The following ESR1 variants were observed in gnomAD, a reference collection of about 807,000 sequenced individuals.
The protein encoded by ESR1 is estrogen receptor 1, also known as estrogen receptor.
Under a neutral mutation model 52.7 loss-of-function variants are expected in ESR1, and 12 were observed. The observed-to-expected ratio is 0.23, with a 90% CI of 0.15 to 0.37. The LOEUF (loss-of-function observed/expected upper bound fraction) is 0.37. ESR1 is among the 10% of genes least tolerant of loss of function. The pLI, the probability that ESR1 is intolerant of heterozygous loss-of-function variation, is 1.00. For missense variants in ESR1, 584 were observed against 779.7 expected (o/e 0.75, Z 2.99); for synonymous variants, 305 against 316.8 (o/e 0.96, Z 0.39).
At chr6:151,790,164 C>A (rs1787392383) in intron 2 of ESR1, among the ~76,000 whole-genome samples, 1 of 152,226 alleles carries the variant, frequency 6.6e-6, no homozygotes, top group Admixed American at 6.5e-5. Flanking sequence ...AGTCATCTGT[C>A]CCTGTGGGTA....
intron 6 of ESR1, among the ~76,000 whole-genome samples, chr6:152,109,495 G>T (rs540763371): frequency 6.6e-6 from 1 of 150,486 alleles, no homozygotes; most frequent in African/African-American, 2.4e-5. Context: ...GAGAAACTCC[G>T]TCTCTACCAA....
At chr6:151,988,311 A>G (rs940490114) in intron 4 of ESR1, among the ~76,000 whole-genome samples, 11 of 152,116 alleles carry the variant, frequency 7.2e-5, no homozygotes, top group African/African-American at 2.7e-4. Context: ...TGCACAACCT[A>G]GATCCCTTGT....
At chr6:151,894,753 T>C (rs1795210426) in intron 3 of ESR1, among the ~76,000 whole-genome samples, 1 of 152,236 alleles carries the variant, frequency 6.6e-6, no homozygotes, top group Non-Finnish European at 1.5e-5. Flanking sequence ...TACATGCCTA[T>C]TTTTATACCA....
At chr6:151,978,878 G>A (rs182507132) in intron 4 of ESR1, among the ~76,000 whole-genome samples, 199 of 152,280 alleles carry the variant, frequency 1.3e-3, no homozygotes, top group African/African-American at 4.4e-3. Flanking sequence ...TTCTAGAAAG[G>A]ATGTCTGATA....
intron 2 of ESR1, among the ~76,000 whole-genome samples, chr6:151,714,546 A>C (rs1275706815): frequency 6.6e-6 from 1 of 152,136 alleles, no homozygotes; most frequent in Non-Finnish European, 1.5e-5. Flanking sequence ...TATATTTAGG[A>C]TAGTTAGCTC....
chr6:151,739,223 T>C (rs534174762), intron 2 of ESR1, among the ~76,000 whole-genome samples: 11 of 152,252 alleles, frequency 7.2e-5, no homozygotes, highest in Non-Finnish European at 1.6e-4. Flanking sequence ...TGTCATGGAG[T>C]ACCTATGTCA....
chr6:151,870,787 G>A (rs1293563894), intron 2 of ESR1, among the ~76,000 whole-genome samples: 1 of 152,086 alleles, frequency 6.6e-6, no homozygotes, highest in Middle Eastern at 3.2e-3. Flanking sequence ...ATCTGAACAG[G>A]CCAACTTTAT....
intron 6 of ESR1, among the ~76,000 whole-genome samples, chr6:152,083,388 G>T (rs2049407798): frequency 6.6e-6 from 1 of 152,176 alleles, no homozygotes; most frequent in Non-Finnish European, 1.5e-5. Context: ...TTAATAAATG[G>T]TGCTAGGAAA....
At chr6:152,034,290 A>AAAATAAATAAATAAATAAAT (rs10588683) in intron 5 of ESR1, among the ~76,000 whole-genome samples, 3,831 of 150,242 alleles carry the variant, frequency 0.025, 83 homozygotes, top group East Asian at 0.089. Flanking sequence ...AAGTACAATA[A>AAAATAAATAAATAAATAAAT]AAATAAATAA....
At chr6:151,847,591 GT>G (rs1785360460) in intron 2 of ESR1, among the ~76,000 whole-genome samples, 1 of 138,342 alleles carries the variant, frequency 7.2e-6, no homozygotes, top group African/African-American at 2.8e-5. Context: ...GGGGTTGTTT[GT>G]TTTTTTCTTG....
At chr6:152,093,906 G>A (rs2050403393) in intron 6 of ESR1, among the ~76,000 whole-genome samples, 1 of 152,134 alleles carries the variant, frequency 6.6e-6, no homozygotes, top group Admixed American at 6.5e-5. Context: ...ATTACCACAT[G>A]TGGAGTCAGC....
intron 1 of ESR1, among the ~76,000 whole-genome samples, chr6:151,822,167 C>T (rs921122369): frequency 1.8e-4 from 27 of 152,020 alleles, no homozygotes; most frequent in African/African-American, 6.5e-4. Context: ...ATGAAAAAAT[C>T]TTACAATTCA....
At chr6:152,075,442 CAT>C (rs1381058210) in intron 6 of ESR1, among the ~76,000 whole-genome samples, 2 of 152,114 alleles carry the variant, frequency 1.3e-5, no homozygotes, top group East Asian at 1.9e-4. Flanking sequence ...TATAAACACT[CAT>C]GTGACATTTT....
intron 2 of ESR1, among the ~76,000 whole-genome samples, chr6:151,754,658 T>G (rs893921644): frequency 1.3e-5 from 2 of 152,208 alleles, no homozygotes; most frequent in East Asian, 3.8e-4. Context: ...CAACATACTT[T>G]GCCCTCCTGG....
intron 3 of ESR1, among the ~76,000 whole-genome samples, chr6:151,935,136 T>C (rs2034199385): frequency 6.6e-6 from 1 of 152,204 alleles, no homozygotes; most frequent in South Asian, 2.1e-4. Context: ...GAAAATTACA[T>C]GATGTAACTT....
intron 4 of ESR1, among the ~76,000 whole-genome samples, chr6:151,953,632 A>G (rs1477145501): frequency 6.6e-6 from 1 of 151,946 alleles, no homozygotes; most frequent in Admixed American, 6.6e-5. Context: ...GAGCGGGGAG[A>G]ATCGCTTGAA....
chr6:152,029,937 G>C (rs1167651935), intron 5 of ESR1, among the ~76,000 whole-genome samples: 2 of 152,224 alleles, frequency 1.3e-5, no homozygotes, highest in African/African-American at 2.4e-5. Context: ...ACTAACAGCG[G>C]ATCTCTTGGC....
At chr6:151,958,161 A>C (rs1438357815) in intron 4 of ESR1, among the ~76,000 whole-genome samples, 2 of 152,276 alleles carry the variant, frequency 1.3e-5, no homozygotes, top group Admixed American at 6.5e-5. Flanking sequence ...GGCAAATAGC[A>C]GTCCATGCTA....
intron 4 of ESR1, among the ~76,000 whole-genome samples, chr6:151,996,773 T>C (rs2041523978): frequency 6.6e-6 from 1 of 152,166 alleles, no homozygotes; most frequent in Non-Finnish European, 1.5e-5. Context: ...AAATTGAATG[T>C]AATAGGTCTT....
Sources: gnomAD v4.1 joint callset for allele counts (sites outside exome capture counted in the v4.1 genomes callset) on GRCh38, gnomAD v4.1.1 for gene constraint, MANE v1.5 for transcripts, NCBI Gene and HGNC (gene_info 2026-07-23, HGNC 2026-07-21) for gene names.